SEMA3A: variants seen among roughly 807,000 people sequenced by gnomAD.
SEMA3A encodes semaphorin-3A.
Under a neutral mutation model 97.9 loss-of-function variants are expected in SEMA3A, and 29 were observed. The observed-to-expected ratio is 0.30, with a 90% CI of 0.22 to 0.40. The LOEUF (loss-of-function observed/expected upper bound fraction) is 0.40. Ranked by LOEUF, SEMA3A falls within the 10% of genes least tolerant of loss-of-function variation. The pLI is 1.00. For synonymous variants in SEMA3A, 321 were observed against 323.7 expected (o/e 0.99, Z 0.09); for missense variants, 763 against 951.3 (o/e 0.80, Z 2.60).
intron 3 of SEMA3A, among the ~76,000 whole-genome samples, chr7:84,290,945 G>A (rs957843760): frequency 9.2e-5 from 14 of 152,126 alleles, no homozygotes; most frequent in South Asian, 2.1e-4. Context: ...CTTTGAAAAG[G>A]TCAGGTACCT....
At chr7:84,418,926 T>A (rs931117392) in intron 1 of SEMA3A, among the ~76,000 whole-genome samples, 1 of 151,196 alleles carries the variant, frequency 6.6e-6, no homozygotes, top group Non-Finnish European at 1.5e-5. Context: ...AATACACATA[T>A]ATATATACAT....
intron 2 of SEMA3A, among the ~76,000 whole-genome samples, chr7:84,318,505 G>A (rs2115898449): frequency 1.3e-5 from 2 of 151,666 alleles, no homozygotes; most frequent in African/African-American, 4.8e-5. Context: ...TGTATTTTTA[G>A]TAGAGACGGG....
At chr7:83,972,904 A>ACTAT (rs1214360583) in intron 15 of SEMA3A, among the ~76,000 whole-genome samples, 1 of 152,140 alleles carries the variant, frequency 6.6e-6, no homozygotes, top group African/African-American at 2.4e-5. Context: ...TGTCATGATG[A>ACTAT]CTATCTCCAG....
At position 84,376,559 on chromosome 7, in the gene SEMA3A, G is replaced by C. The variant is rs111946424; in HGVS notation, c.-245-4659C>G. Reference sequence around the variant, plus strand: ...GCGGAGCTTGCAGTGAGCCGAGATCGCGCCACTGCACTCCAGCCTGGGCGA... The same window carrying C: ...GCGGAGCTTGCAGTGAGCCGAGATCCCGCCACTGCACTCCAGCCTGGGCGA... On this transcript the variant is annotated intron_variant, in intron 1 of 3. Transcript: ENST00000424555. Among the ~76,000 whole-genome samples the C allele has an allele frequency of 8.3e-3, 812 of 97,996 alleles. 45 individuals are homozygous for C. Among genetic ancestry groups the C allele is most frequent in the African/African-American group, 0.03 (764 of 25,388 alleles). 64.3% of individuals were successfully genotyped at this position (97,996 alleles called of 152,430 possible). A position where few individuals can be genotyped will look rare whatever the true frequency, so the allele number is the denominator to read the frequency against.
At chr7:84,169,696 A>G (rs982849769) in intron 1 of SEMA3A, among the ~76,000 whole-genome samples, 4 of 151,606 alleles carry the variant, frequency 2.6e-5, no homozygotes, top group African/African-American at 9.7e-5. Flanking sequence ...ATAGTCTACA[A>G]TTAATCAATC....
chr7:84,376,328 C>G lies in SEMA3A; in HGVS notation c.-245-4428G>C, dbSNP rs1027107579. On this transcript the variant is annotated intron_variant, in intron 1 of 3. Coordinates refer to the SEMA3A transcript ENST00000424555. ...CAGTGTATAAGAAGTGTTGGCCGGG[C>G]GCGGTGGCTCACGCCTGTAATCCCA... is the stretch of plus-strand genomic sequence containing the variant. 2.6e-5 allele frequency among the ~76,000 whole-genome samples: 3 copies of G among 115,406 alleles called. 1 individual carries two copies. Among genetic ancestry groups the G allele is most frequent in the Non-Finnish European group, 5.7e-5 (3 of 52,956 alleles). The allele number at this position is 115,406 out of a possible 152,430, so 75.7% of individuals were successfully genotyped here.
intron 2 of SEMA3A, among the ~76,000 whole-genome samples, chr7:84,313,352 GTGTGTATATATATATATATATA>G (rs1440453841): frequency 0.01 from 864 of 83,394 alleles, 41 homozygotes; most frequent in African/African-American, 0.037. Flanking sequence ...GTATATGTGT[GTGTGTATATATATATATATATA>G]TATATATATA....
chr7:84,005,282 T>TAATC (rs1438454111), intron 11 of SEMA3A, 57 bp downstream of exon 11: 4 of 1,238,868 alleles, frequency 3.2e-6, no homozygotes, highest in East Asian at 4.7e-5. Flanking sequence ...AAGATCAACT[T>TAATC]AATCAGTTAA....
At chr7:84,228,595 G>C (rs1404194038) in intron 3 of SEMA3A, among the ~76,000 whole-genome samples, 1 of 151,864 alleles carries the variant, frequency 6.6e-6, no homozygotes, top group Non-Finnish European at 1.5e-5. Flanking sequence ...CAATTTAAAC[G>C]AATACATTTA....
intron 15 of SEMA3A, among the ~76,000 whole-genome samples, chr7:83,974,795 G>T (rs1336200111): frequency 6.6e-6 from 1 of 151,974 alleles, no homozygotes; most frequent in Non-Finnish European, 1.5e-5. Flanking sequence ...GCAGACAAGG[G>T]GAAAAGAGGC....
chr7:84,279,478 G>A (rs1800384645), intron 3 of SEMA3A, among the ~76,000 whole-genome samples: 1 of 151,936 alleles, frequency 6.6e-6, no homozygotes, highest in Admixed American at 6.6e-5. Context: ...GATTGTAGAA[G>A]TTAAGGAAAG....
chr7:84,210,058 C>T (rs79138950), intron 3 of SEMA3A, among the ~76,000 whole-genome samples: 5 of 151,906 alleles, frequency 3.3e-5, no homozygotes, highest in African/African-American at 4.8e-5. Flanking sequence ...ATTCACATAG[C>T]GAAAGAAAAC....
rs139053634 is a variant in SEMA3A, at chr7:84,089,272, G to A, written c.453+21198C>T. ...CAGGAGAATATATGCTGTTGTATACGCACATATAATGCAACTAGTATAACT... is the reference window on the plus strand; with the variant it reads ...CAGGAGAATATATGCTGTTGTATACACACATATAATGCAACTAGTATAACT... On this transcript the variant is annotated intron_variant, in intron 4 of 16. Coordinates refer to ENST00000265362, the MANE Select transcript of SEMA3A (RefSeq NM_006080.3). 2.8e-3 allele frequency among the ~76,000 whole-genome samples: 424 copies of A among 152,118 alleles called. 5 individuals carry two copies. Among genetic ancestry groups the A allele is most frequent in the African/African-American group, 9.8e-3 (405 of 41,502 alleles).
chr7:84,135,444 T>G (rs1384378791), intron 1 of SEMA3A, among the ~76,000 whole-genome samples: 1 of 152,104 alleles, frequency 6.6e-6, no homozygotes, highest in Non-Finnish European at 1.5e-5. Context: ...ATATTCCTAT[T>G]TGCTGGTTTC....
rs573713680 is a variant in SEMA3A, at chr7:84,360,406, T to C, written c.-169+11418A>G. ...GGCCTTCATTTCGTTATGTACCCAG[T>C]AGTCATTCAGCAGCAGGTGTTTAGT... On this transcript the variant is annotated intron_variant, in intron 2 of 3. Transcript: ENST00000424555. 3.9e-5 allele frequency among the ~76,000 whole-genome samples: 6 copies of C among 152,250 alleles called. No homozygotes were observed. The South Asian group carries it at 1.2e-3, about 32-fold the overall frequency.
chr7:84,327,727 C>T (rs372390695), intron 2 of SEMA3A, among the ~76,000 whole-genome samples: 7 of 151,924 alleles, frequency 4.6e-5, no homozygotes, highest in African/African-American at 1.7e-4. Flanking sequence ...TTATAACTTT[C>T]ACCACTGCTA....
At position 84,002,098 on chromosome 7, in the gene SEMA3A, A is replaced by T. The variant is rs10250165; in HGVS notation, c.1361-52T>A. The T allele has an allele frequency of 0.25, 245,346 of 984,588 alleles. 30,899 individuals are homozygous for T. The highest frequency in any genetic ancestry group is 0.33 in the Middle Eastern group (1,577 of 4,740). 61.0% of individuals were successfully genotyped at this position (984,588 alleles called of 1,614,324 possible). ...ACAAGTTAAGTAGATCTGAACAGAG[A>T]TTAGTGTTAATGAATGAAATATGTA... On this transcript the variant is annotated intron_variant, in intron 11 of 16. Coordinates refer to ENST00000265362, the MANE Select transcript of SEMA3A (RefSeq NM_006080.3).
At chr7:84,218,025 A>C (rs1331477057) in intron 3 of SEMA3A, among the ~76,000 whole-genome samples, 1 of 152,040 alleles carries the variant, frequency 6.6e-6, no homozygotes, top group Admixed American at 6.6e-5. Flanking sequence ...CTCTCATACA[A>C]GGTTAATTGA....
intron 6 of SEMA3A, among the ~76,000 whole-genome samples, chr7:84,036,873 T>C (rs1584577290): frequency 6.6e-6 from 1 of 152,056 alleles, no homozygotes; most frequent in East Asian, 1.9e-4. Flanking sequence ...TTTGAGCTTA[T>C]AAAAAAGTCC....
Sources: allele counts gnomAD v4.1 joint callset (sites outside exome capture counted in the v4.1 genomes callset), GRCh38; gene constraint gnomAD v4.1.1; transcripts MANE v1.5; gene names NCBI Gene and HGNC (gene_info 2026-07-23, HGNC 2026-07-21).